The following GRIK1 variants were observed in gnomAD, a reference collection of about 807,000 sequenced individuals.
GRIK1 encodes glutamate ionotropic receptor kainate type subunit 1.
In GRIK1, 69 loss-of-function variants were observed where a neutral mutation model predicts 105.7. The observed-to-expected ratio is 0.65, with a 90% CI of 0.54 to 0.80. The LOEUF is 0.80. Among genes scored for constraint, GRIK1 ranks in the 30% least tolerant of loss-of-function variants. GRIK1 has a pLI of 0.00. For missense variants in GRIK1, 1,109 were observed against 1,167.3 expected (o/e 0.95, Z 0.73); for synonymous variants, 438 against 431.3 (o/e 1.02, Z -0.19).
At chr21:29,685,354 A>G (rs1243959166) in intron 3 of GRIK1, among the ~76,000 whole-genome samples, 3 of 152,216 alleles carry the variant, frequency 2.0e-5, no homozygotes, top group Non-Finnish European at 2.9e-5. Flanking sequence ...TTAGTTAAGG[A>G]CAAGTTAAAG....
chr21:29,600,426 C>A (rs1045398537), intron 7 of GRIK1, among the ~76,000 whole-genome samples: 1 of 152,166 alleles, frequency 6.6e-6, no homozygotes, highest in Non-Finnish European at 1.5e-5. Context: ...GAGTCTTCAG[C>A]TTCAATCATT....
intron 6 of GRIK1, among the ~76,000 whole-genome samples, chr21:29,645,860 T>C (rs1043054636): frequency 6.6e-6 from 1 of 152,134 alleles, no homozygotes. Context: ...CCTAAGAAAA[T>C]CTTTTTACCA....
chr21:29,557,583 T>C (rs1033711422), intron 15 of GRIK1, among the ~76,000 whole-genome samples: 4 of 152,190 alleles, frequency 2.6e-5, no homozygotes, highest in African/African-American at 9.7e-5. Flanking sequence ...CAGTTTTCCT[T>C]GTAAGACTTC....
intron 7 of GRIK1, among the ~76,000 whole-genome samples, chr21:29,633,068 T>C (rs2062316992): frequency 6.6e-6 from 1 of 152,218 alleles, no homozygotes; most frequent in South Asian, 2.1e-4. Context: ...TTAGGAATCT[T>C]ATAAAGGGGC....
intron 9 of GRIK1, among the ~76,000 whole-genome samples, chr21:29,595,509 T>A (rs971483762): frequency 4.6e-5 from 7 of 151,990 alleles, no homozygotes; most frequent in South Asian, 2.1e-4. Flanking sequence ...AAAGAAAAAA[T>A]TTTTGAATTC....
At chr21:29,646,850 C>CTT (rs544696996) in intron 6 of GRIK1, among the ~76,000 whole-genome samples, 7 of 144,198 alleles carry the variant, frequency 4.9e-5, no homozygotes, top group South Asian at 2.2e-4. Context: ...TCTTTCTTTC[C>CTT]TTTTTTTTTT....
intron 1 of GRIK1, among the ~76,000 whole-genome samples, chr21:29,725,608 C>T (rs1376321379): frequency 6.6e-6 from 1 of 152,122 alleles, no homozygotes; most frequent in Non-Finnish European, 1.5e-5. Flanking sequence ...ATAATGTAGT[C>T]CTATTAGAAC....
At chr21:29,722,161 C>T (rs2146860482) in intron 1 of GRIK1, among the ~76,000 whole-genome samples, 1 of 152,220 alleles carries the variant, frequency 6.6e-6, no homozygotes, top group Admixed American at 6.5e-5. Context: ...GCTGCCTTCC[C>T]TGTGGTCCTC....
chr21:29,885,035 C>A (rs979723071), intron 1 of GRIK1, among the ~76,000 whole-genome samples: 2 of 151,920 alleles, frequency 1.3e-5, no homozygotes, highest in South Asian at 4.1e-4. Context: ...TTTAGGTCTC[C>A]TTGAGTAAAT....
At chr21:29,742,830 C>T (rs2146942558) in intron 1 of GRIK1, among the ~76,000 whole-genome samples, 1 of 152,302 alleles carries the variant, frequency 6.6e-6, no homozygotes, top group South Asian at 2.1e-4. Context: ...TTCCTCCACA[C>T]CATTTATTAA....
chr21:29,542,709 A>G (rs557829573), intron 16 of GRIK1, among the ~76,000 whole-genome samples: 2 of 152,358 alleles, frequency 1.3e-5, no homozygotes, highest in South Asian at 2.1e-4. Context: ...TGGTAGGTAT[A>G]GGTAAACATT....
At chr21:29,799,570 C>G (rs1156513483) in intron 1 of GRIK1, among the ~76,000 whole-genome samples, 1 of 152,156 alleles carries the variant, frequency 6.6e-6, no homozygotes, top group Non-Finnish European at 1.5e-5. Flanking sequence ...CACTCTGTCG[C>G]CCAGGCTGGA....
At chr21:29,865,983 G>A (rs892840510) in intron 1 of GRIK1, among the ~76,000 whole-genome samples, 1 of 152,130 alleles carries the variant, frequency 6.6e-6, no homozygotes, top group African/African-American at 2.4e-5. Context: ...CCTGGACAGT[G>A]GTCATTTAGA....
At chr21:29,658,804 G>T (rs1410012072) in intron 4 of GRIK1, among the ~76,000 whole-genome samples, 1 of 152,158 alleles carries the variant, frequency 6.6e-6, no homozygotes, top group Non-Finnish European at 1.5e-5. Flanking sequence ...CTTGGGCTTG[G>T]GTGGGGGTAT....
At chr21:29,829,548 T>A (rs1056229064) in intron 1 of GRIK1, among the ~76,000 whole-genome samples, 1 of 152,186 alleles carries the variant, frequency 6.6e-6, no homozygotes, top group African/African-American at 2.4e-5. Context: ...AATAGCTACA[T>A]ATTTTTCTAT....
At chr21:29,831,720 A>G (rs460161) in intron 1 of GRIK1, among the ~76,000 whole-genome samples, 58,728 of 151,578 alleles carry the variant, frequency 0.39, 12,400 homozygotes, top group East Asian at 0.69. Context: ...TCCAACACCA[A>G]GGATAAAAAT....
intron 1 of GRIK1, among the ~76,000 whole-genome samples, chr21:29,886,398 G>T (rs1239340272): frequency 6.6e-6 from 1 of 152,050 alleles, no homozygotes; most frequent in East Asian, 1.9e-4. Flanking sequence ...ATATAGAACT[G>T]GGCTGACACT....
chr21:29,722,060 C>T (rs554295523), intron 1 of GRIK1, among the ~76,000 whole-genome samples: 14 of 152,200 alleles, frequency 9.2e-5, no homozygotes, highest in African/African-American at 3.1e-4. Flanking sequence ...TCATAAGGCC[C>T]TTTGAAAATT....
At chr21:29,826,617 C>T (rs985847807) in intron 1 of GRIK1, among the ~76,000 whole-genome samples, 7 of 152,028 alleles carry the variant, frequency 4.6e-5, no homozygotes, top group African/African-American at 1.7e-4. Flanking sequence ...CTTGCCAGCC[C>T]CCATGATTGA....
Sources: gnomAD v4.1 joint callset for allele counts (sites outside exome capture counted in the v4.1 genomes callset) on GRCh38, gnomAD v4.1.1 for gene constraint, MANE v1.5 for transcripts, NCBI Gene and HGNC (gene_info 2026-07-23, HGNC 2026-07-21) for gene names.